NXN: variants seen among roughly 807,000 people sequenced by gnomAD.
The protein encoded by NXN is nucleoredoxin 1.
A neutral mutation model predicts 48.6 loss-of-function variants in NXN; 16 were observed. That is an observed-to-expected ratio of 0.33 (90% CI 0.22 to 0.50). The LOEUF (loss-of-function observed/expected upper bound fraction) is 0.50. Among genes scored for constraint, NXN ranks in the 20% least tolerant of loss-of-function variants. The pLI is 0.98. For synonymous variants in NXN, 281 were observed against 269.6 expected (o/e 1.04, Z -0.41); for missense variants, 492 against 605.5 (o/e 0.81, Z 1.97).
intron 1 of NXN, among the ~76,000 whole-genome samples, chr17:924,088 G>A: frequency 6.8e-6 from 1 of 147,552 alleles, no homozygotes; most frequent in Admixed American, 6.7e-5. Flanking sequence ...TTTTTTTTGA[G>A]ACAGGGTCTC....
intron 1 of NXN, among the ~76,000 whole-genome samples, chr17:974,239 TAC>T (rs2069428581): frequency 6.6e-6 from 1 of 151,510 alleles, no homozygotes; most frequent in South Asian, 2.1e-4. Context: ...TAGTCCCAGC[TAC>T]TCAGGAGGCT....
At chr17:925,837 G>A (rs2068792735) in intron 1 of NXN, among the ~76,000 whole-genome samples, 1 of 152,166 alleles carries the variant, frequency 6.6e-6, no homozygotes, top group African/African-American at 2.4e-5. Flanking sequence ...TGTTCCCCAA[G>A]AAGTACATGG....
chr17:893,441 C>T (rs2068445108), intron 1 of NXN, among the ~76,000 whole-genome samples: 1 of 152,196 alleles, frequency 6.6e-6, no homozygotes, highest in Admixed American at 6.5e-5. Context: ...CTTGGATTTC[C>T]CTTTTTCAAA....
chr17:847,996 C>CTT lies in NXN; in HGVS notation c.361-21919_361-21918insAA, dbSNP rs530230483. Among the ~76,000 whole-genome samples, 793 of 152,208 alleles carry CTT rather than the reference C, an allele frequency of 5.2e-3. 3 individuals carry two copies. Among genetic ancestry groups the CTT allele is most frequent in the Non-Finnish European group, 7.4e-3 (503 of 68,016 alleles). The stretch of plus-strand genomic sequence containing the variant: ...TCAATTCTCGTCTCTCTTTCTGCTA[C>CTT]ATAAAGTTGTTACAAAACGGGGCGA... On this transcript the variant is annotated intron_variant, in intron 1 of 7. Coordinates refer to ENST00000336868, the MANE Select transcript of NXN (RefSeq NM_022463.5).
chr17:823,877 C>T, intron 2 of NXN, 112 bp from the exon 3 acceptor site: 1 of 1,061,884 alleles, frequency 9.4e-7, no homozygotes, highest in Non-Finnish European at 1.4e-6. Flanking sequence ...ACCCGGGAGA[C>T]CTCAGAGCGG....
chr17:868,895 A>G (rs2068122601), intron 1 of NXN, among the ~76,000 whole-genome samples: 1 of 152,298 alleles, frequency 6.6e-6, no homozygotes, highest in Middle Eastern at 3.4e-3. Context: ...GAGCAGAGAA[A>G]GGAAAATGTC....
intron 1 of NXN, among the ~76,000 whole-genome samples, chr17:862,773 T>C (rs895159273): frequency 6.6e-6 from 1 of 152,218 alleles, no homozygotes; most frequent in East Asian, 1.9e-4. Context: ...CCTGGTGAGA[T>C]GCAACAGGAG....
intron 1 of NXN, among the ~76,000 whole-genome samples, chr17:839,264 A>C (rs1224020072): frequency 6.6e-6 from 1 of 151,202 alleles, no homozygotes; most frequent in Non-Finnish European, 1.5e-5. Flanking sequence ...GTGAAACCCC[A>C]TCTCTCCTAA....
intron 1 of NXN, among the ~76,000 whole-genome samples, chr17:952,197 C>T (rs113085836): frequency 1.0e-4 from 13 of 126,268 alleles, no homozygotes; most frequent in Admixed American, 4.7e-4. Flanking sequence ...GTCAGAGAGA[C>T]CAAGGTTGGA....
Position 805,106 on chromosome 17 carries a change from G to A in NXN, c.962C>T (p.Ala321Val), listed in dbSNP as rs146444754. The A allele has an allele frequency of 6.1e-4, 986 of 1,609,328 alleles. 12 individuals are homozygous for A. The Middle Eastern group carries it at 0.02, about 33-fold the overall frequency. The change falls in exon 6 of 8, where the codon GCG becomes GTG. Residue 321 changes from alanine (A) to valine (V), a missense_variant. This residue lies in a region of NXN where 303 missense variants were observed against 388.3 expected (regional missense o/e 0.78). Coordinates refer to ENST00000336868, the MANE Select transcript of NXN (RefSeq NM_022463.5). ...GAGGCAGGGGCCCTCGTTAAGCTGC[G>A]CGGCGTTGGAGTCGGAGAGCTCCAG... is the stretch of plus-strand genomic sequence containing the variant. ...PVLELSDSNA[A>V]QLNEGPCLVL...
chr17:835,632 G>A (rs1470062359), intron 1 of NXN, among the ~76,000 whole-genome samples: 1 of 152,196 alleles, frequency 6.6e-6, no homozygotes, highest in Non-Finnish European at 1.5e-5. Context: ...AAAGGGACGG[G>A]ACTGGGAACC....
In NXN at chr17:840,488, T is replaced by C. The variant is rs375201350; in HGVS notation, c.361-14410A>G. Among the ~76,000 whole-genome samples, 648 of 152,210 alleles carry C rather than the reference T, an allele frequency of 4.3e-3. 3 individuals are homozygous for C. The highest frequency in any genetic ancestry group is 0.014 in the African/African-American group (568 of 41,546). ...CCAGGTAGCTGGGACTACAGGCGCC[T>C]GCCACCACGCACAGCTAATTTTTTG... On this transcript the variant is annotated intron_variant, in intron 1 of 7. Coordinates refer to ENST00000336868, the MANE Select transcript of NXN (RefSeq NM_022463.5).
At chr17:841,445 C>CTG (rs372878332) in intron 1 of NXN, among the ~76,000 whole-genome samples, 1 of 29,928 alleles carries the variant, frequency 3.3e-5, no homozygotes, top group African/African-American at 1.3e-4. Flanking sequence ...CGAGCAGGTC[C>CTG]CCCTGACCAC....
chr17:819,390 G>C (rs1567816473), intron 5 of NXN, 49 bp downstream of exon 5: 6 of 1,329,492 alleles, frequency 4.5e-6, no homozygotes, highest in Non-Finnish European at 6.5e-6. Flanking sequence ...GTGAGCTCAG[G>C]TGAGCAGGTT....
intron 1 of NXN, among the ~76,000 whole-genome samples, chr17:838,984 C>T (rs776780733): frequency 5.3e-5 from 8 of 152,148 alleles, no homozygotes; most frequent in Non-Finnish European, 1.0e-4. Flanking sequence ...TTCAAATCCC[C>T]GCTCTGCTAT....
intron 1 of NXN, chr17:878,413 G>A (rs1202019568): frequency 2.2e-5 from 3 of 134,090 alleles, no homozygotes. Context: ...GGGTTTGGGG[G>A]TGGGGGAGGG....
chr17:880,689 C>T (rs540392454), intron 1 of NXN, among the ~76,000 whole-genome samples: 6 of 152,142 alleles, frequency 3.9e-5, no homozygotes, highest in South Asian at 2.1e-4. Context: ...CATCCAAGGA[C>T]GTCCACTCAC....
At chr17:865,008 C>T (rs1200699251) in intron 1 of NXN, among the ~76,000 whole-genome samples, 2 of 152,166 alleles carry the variant, frequency 1.3e-5, no homozygotes, top group Admixed American at 1.3e-4. Context: ...ACTAGAACCA[C>T]GCCTGGTTTA....
At chr17:916,955 C>T (rs1366656325) in intron 1 of NXN, among the ~76,000 whole-genome samples, 7 of 152,130 alleles carry the variant, frequency 4.6e-5, no homozygotes, top group African/African-American at 7.2e-5. Flanking sequence ...CTAACCTCTT[C>T]GTTGTAAATT....
Sources: gnomAD v4.1 joint callset for allele counts (sites outside exome capture counted in the v4.1 genomes callset) on GRCh38, gnomAD v4.1.1 for gene constraint, gnomAD v4.1.1 regional missense constraint, MANE v1.5 for transcripts, NCBI Gene and HGNC (gene_info 2026-07-23, HGNC 2026-07-21) for gene names.